Variants in PRKCE observed in about 807,000 individuals in gnomAD.
PRKCE encodes the protein protein kinase C epsilon type.
A neutral mutation model predicts 85.4 loss-of-function variants in PRKCE; 16 were observed. The ratio of observed to expected loss-of-function variants is 0.19; its 90% CI spans 0.13 to 0.28. PRKCE has a LOEUF of 0.28. Among genes scored for constraint, PRKCE ranks in the 10% least tolerant of loss-of-function variants. PRKCE has a pLI of 1.00. For missense variants in PRKCE, 573 were observed against 975.2 expected (o/e 0.59, Z 5.49); for synonymous variants, 388 against 371.5 (o/e 1.04, Z -0.51).
chr2:46,064,687 A>C (rs1273249225), intron 10 of PRKCE, among the ~76,000 whole-genome samples: 1 of 152,226 alleles, frequency 6.6e-6, no homozygotes, highest in Non-Finnish European at 1.5e-5. Context: ...CGAACTAGGG[A>C]AGTTGGAAAA....
intron 1 of PRKCE, among the ~76,000 whole-genome samples, chr2:45,801,421 G>C (rs1245006237): frequency 1.3e-5 from 2 of 152,232 alleles, no homozygotes; most frequent in East Asian, 3.9e-4. Context: ...CAAAAACGGG[G>C]ACTGGGGCTG....
chr2:45,863,939 T>C (rs1309658798), intron 2 of PRKCE, among the ~76,000 whole-genome samples: 1 of 152,222 alleles, frequency 6.6e-6, no homozygotes, highest in Non-Finnish European at 1.5e-5. Flanking sequence ...TCAAAGGCCA[T>C]AGAGGTTGCA....
At chr2:45,735,886 C>T (rs545381734) in intron 1 of PRKCE, among the ~76,000 whole-genome samples, 1 of 152,192 alleles carries the variant, frequency 6.6e-6, no homozygotes, top group Non-Finnish European at 1.5e-5. Context: ...GCTAATTTGA[C>T]AACTACTATG....
rs574484438 is a variant in PRKCE, at chr2:46,098,922, G to A, written c.1592+12560G>A. On this transcript the variant is annotated intron_variant, in intron 11 of 14. Coordinates refer to ENST00000306156, the MANE Select transcript of PRKCE (RefSeq NM_005400.3). ...TGTTTGTTTCAAGATGACTCAGGCT[G>A]GAGGTGGGGTGAGGAGGAGAGTGGT... 4.6e-5 allele frequency among the ~76,000 whole-genome samples: 7 copies of A among 152,236 alleles called. No homozygotes were observed. In the South Asian group the frequency reaches 1.5e-3, roughly 32 times the overall value.
chr2:45,653,893 T>G (rs888149238), intron 1 of PRKCE, among the ~76,000 whole-genome samples: 1 of 152,264 alleles, frequency 6.6e-6, no homozygotes, highest in African/African-American at 2.4e-5. Flanking sequence ...CCCTCATCTC[T>G]GCTTCCTTCA....
At chr2:46,127,227 C>T (rs1000081994) in intron 11 of PRKCE, among the ~76,000 whole-genome samples, 2 of 152,162 alleles carry the variant, frequency 1.3e-5, no homozygotes, top group South Asian at 2.1e-4. Flanking sequence ...ATTTTCTTCA[C>T]GTCACTAAAA....
chr2:46,046,855 A>G (rs1325731796), intron 10 of PRKCE, among the ~76,000 whole-genome samples: 1 of 152,198 alleles, frequency 6.6e-6, no homozygotes, highest in Non-Finnish European at 1.5e-5. Flanking sequence ...CGGACTTCAC[A>G]TTCTCTGTTT....
At chr2:45,682,015 G>C (rs972493088) in intron 1 of PRKCE, among the ~76,000 whole-genome samples, 1 of 152,148 alleles carries the variant, frequency 6.6e-6, no homozygotes, top group African/African-American at 2.4e-5. Flanking sequence ...CTCTTTATGG[G>C]CAGTAAACTT....
chr2:45,740,147 C>CAAAAAA (rs34143359), intron 1 of PRKCE, among the ~76,000 whole-genome samples: 8 of 135,730 alleles, frequency 5.9e-5, no homozygotes, highest in Non-Finnish European at 9.6e-5. Context: ...GACCCCATCT[C>CAAAAAA]AAAAAAAAAA....
chr2:45,946,974 A>G (rs915727792), intron 2 of PRKCE, among the ~76,000 whole-genome samples: 2 of 152,244 alleles, frequency 1.3e-5, no homozygotes, highest in Non-Finnish European at 2.9e-5. Flanking sequence ...TCTATGAGAT[A>G]TTCAGCTTCT....
At chr2:46,112,922 G>T in intron 11 of PRKCE, among the ~76,000 whole-genome samples, 1 of 151,992 alleles carries the variant, frequency 6.6e-6, no homozygotes, top group Non-Finnish European at 1.5e-5. Flanking sequence ...GTTGTAGGTT[G>T]CTTCTTAATT....
At chr2:46,016,395 G>A (rs547512581) in intron 10 of PRKCE, among the ~76,000 whole-genome samples, 1 of 152,088 alleles carries the variant, frequency 6.6e-6, no homozygotes, top group Non-Finnish European at 1.5e-5. Flanking sequence ...TGGTTTCCAC[G>A]ATCAAGCAAG....
At chr2:45,880,994 A>G (rs535579555) in intron 2 of PRKCE, among the ~76,000 whole-genome samples, 2 of 152,110 alleles carry the variant, frequency 1.3e-5, no homozygotes, top group East Asian at 3.9e-4. Context: ...TCTACTAAAA[A>G]TACAAAAAAT....
In PRKCE at chr2:45,651,874, C is replaced by CA. The variant is rs1367142579; in HGVS notation, c.-226dup. On this transcript the variant is annotated 5_prime_UTR_variant, in exon 1 of 15. Transcript: ENST00000306156. ...ACTTGCTCCAAACACGGACATCCCCCAGCTCTCCCCCCTCCCTGTTTTCCG... is the reference window on the plus strand; with the variant it reads ...ACTTGCTCCAAACACGGACATCCCCCAAGCTCTCCCCCCTCCCTGTTTTCCG... 1 of 470,250 alleles carries CA rather than the reference C, an allele frequency of 2.1e-6. No individual in the cohort carries two copies. The highest frequency in any genetic ancestry group is 3.3e-5 in the East Asian group (1 of 30,214). 29.1% of individuals were successfully genotyped at this position (470,250 alleles called of 1,614,324 possible).
At chr2:46,148,421 G>A (rs1676294487) in intron 12 of PRKCE, among the ~76,000 whole-genome samples, 1 of 152,210 alleles carries the variant, frequency 6.6e-6, no homozygotes, top group African/African-American at 2.4e-5. Context: ...GAGTGGGGTG[G>A]CAGGGCGGCT....
At chr2:45,998,638 C>CG (rs1348401181) in intron 6 of PRKCE, among the ~76,000 whole-genome samples, 97 of 152,132 alleles carry the variant, frequency 6.4e-4, no homozygotes, top group African/African-American at 2.3e-3. Context: ...TATATTTAGA[C>CG]TATTGACATT....
chr2:46,046,736 G>A (rs1416087856), intron 10 of PRKCE, among the ~76,000 whole-genome samples: 2 of 152,064 alleles, frequency 1.3e-5, no homozygotes, highest in Non-Finnish European at 2.9e-5. Flanking sequence ...CTGCCCTTAG[G>A]GTCTACACAT....
At chr2:45,654,746 G>A (rs920897946) in intron 1 of PRKCE, among the ~76,000 whole-genome samples, 1 of 152,224 alleles carries the variant, frequency 6.6e-6, no homozygotes, top group African/African-American at 2.4e-5. Flanking sequence ...AGCAGGTTCA[G>A]AATGCCCATC....
rs1696921279 is a variant in PRKCE at position 45,905,722 on chromosome 2, A to G, written c.412+62659A>G. ...AACACTGCAACTGTGATCTACAAAGATAGGATGTTTACTGAAGGGTAAATG... is the reference window on the plus strand; with the variant it reads ...AACACTGCAACTGTGATCTACAAAGGTAGGATGTTTACTGAAGGGTAAATG... On this transcript the variant is annotated intron_variant, in intron 2 of 14. Transcript: ENST00000306156. This position sits in a 1 kb window ranked among gnomAD's most constrained non-coding sequence, Gnocchi z 4.4. Among the ~76,000 whole-genome samples the G allele has an allele frequency of 6.6e-6, 1 of 152,170 alleles. No homozygotes were observed.
Sources: gnomAD v4.1 joint callset for allele counts (sites outside exome capture counted in the v4.1 genomes callset) on GRCh38, gnomAD v4.1.1 for gene constraint, Gnocchi (gnomAD v3.1) non-coding constraint, MANE v1.5 for transcripts, NCBI Gene and HGNC (gene_info 2026-07-23, HGNC 2026-07-21) for gene names.